The following PVT1 variants were observed in gnomAD, a reference collection of about 807,000 sequenced individuals.
PVT1 encodes the protein CXCR4/PVT1 fusion.
chr8:127,890,681 A>G (rs1815589756), exon 3 of PVT1: 1 of 152,206 alleles, frequency 6.6e-6, no homozygotes, highest in African/African-American at 2.4e-5. Context: ...GTATTTTCTG[A>G]GCCTGATGGA....
intron 4 of PVT1, among the ~76,000 whole-genome samples, chr8:128,027,699 G>A (rs562932898): frequency 1.3e-5 from 2 of 152,292 alleles, no homozygotes; most frequent in African/African-American, 4.8e-5. Flanking sequence ...CCAAGGTAGG[G>A]GCCCTGGTGT....
At chr8:128,002,346 T>C (rs920253751) in intron 4 of PVT1, among the ~76,000 whole-genome samples, 1 of 152,232 alleles carries the variant, frequency 6.6e-6, no homozygotes, top group Admixed American at 6.5e-5. Context: ...TTTCCTCCCA[T>C]TGCTTTACAT....
chr8:127,954,644 T>C (rs1816547769), intron 3 of PVT1, among the ~76,000 whole-genome samples: 1 of 152,182 alleles, frequency 6.6e-6, no homozygotes, highest in South Asian at 2.1e-4. Flanking sequence ...CCAGTGCCTC[T>C]CCCAGGTGGG....
chr8:128,074,412 A>G (rs1336349697), intron 5 of PVT1, among the ~76,000 whole-genome samples: 2 of 151,944 alleles, frequency 1.3e-5, no homozygotes, highest in East Asian at 1.9e-4. Flanking sequence ...AATCCCAGCT[A>G]CTCAGGAGGC....
chr8:127,833,282 G>T (rs1276097297), intron 2 of PVT1, among the ~76,000 whole-genome samples: 2 of 152,176 alleles, frequency 1.3e-5, no homozygotes, highest in Admixed American at 1.3e-4. Context: ...CTGCCCTGGG[G>T]ATTGTGAGGA....
chr8:127,874,827 C>T (rs1195160719), intron 2 of PVT1, among the ~76,000 whole-genome samples: 2 of 152,156 alleles, frequency 1.3e-5, no homozygotes, highest in Non-Finnish European at 1.5e-5. Context: ...TTCCCACCTG[C>T]AGGAAGCCTA....
chr8:128,033,323 ATG>A (rs903455658), intron 4 of PVT1, among the ~76,000 whole-genome samples: 1 of 151,946 alleles, frequency 6.6e-6, no homozygotes, highest in African/African-American at 2.4e-5. Flanking sequence ...GTGTGTGTGC[ATG>A]TGTGTGTGTA....
At chr8:127,832,755 G>A (rs544998228) in intron 2 of PVT1, among the ~76,000 whole-genome samples, 177 of 152,304 alleles carry the variant, frequency 1.2e-3, no homozygotes, top group African/African-American at 4.2e-3. Context: ...CTACTTGGGA[G>A]GCTGAGGCAG....
At chr8:127,914,627 G>A (rs545205404) in intron 3 of PVT1, among the ~76,000 whole-genome samples, 2 of 152,298 alleles carry the variant, frequency 1.3e-5, no homozygotes, top group South Asian at 4.1e-4. Context: ...ATTGATACAT[G>A]TTACAACATG....
intron 3 of PVT1, among the ~76,000 whole-genome samples, chr8:127,956,634 G>A (rs188979047): frequency 1.8e-4 from 27 of 152,300 alleles, no homozygotes; most frequent in African/African-American, 6.0e-4. Flanking sequence ...ACAGGCACGC[G>A]CCACCACGCC....
intron 3 of PVT1, among the ~76,000 whole-genome samples, chr8:127,956,278 G>A (rs1586454448): frequency 6.6e-6 from 1 of 152,234 alleles, no homozygotes; most frequent in Non-Finnish European, 1.5e-5. Flanking sequence ...GAGGCTGAGA[G>A]GGGCCTGCCC....
chr8:127,969,903 A>G (rs1406056298), intron 3 of PVT1, among the ~76,000 whole-genome samples: 2 of 152,214 alleles, frequency 1.3e-5, no homozygotes, highest in African/African-American at 4.8e-5. Flanking sequence ...CAGAGGACAG[A>G]GCAGGAGCAG....
chr8:127,829,103 C>G (rs1767301212), intron 2 of PVT1, among the ~76,000 whole-genome samples: 1 of 152,100 alleles, frequency 6.6e-6, no homozygotes. Context: ...TAGTGAAATG[C>G]TGTTTCTACT....
intron 5 of PVT1, among the ~76,000 whole-genome samples, chr8:128,088,181 A>G (rs1034625503): frequency 1.7e-4 from 26 of 152,074 alleles, no homozygotes; most frequent in Non-Finnish European, 1.0e-4. Context: ...ATCAAGCCTC[A>G]CCCCATACCT....
At chr8:128,005,533 T>C (rs768975433) in intron 4 of PVT1, among the ~76,000 whole-genome samples, 1 of 152,226 alleles carries the variant, frequency 6.6e-6, no homozygotes, top group Non-Finnish European at 1.5e-5. Flanking sequence ...CTTTTGTACA[T>C]GTACCTTCTG....
chr8:128,042,499 C>T (rs1027708140), intron 4 of PVT1, among the ~76,000 whole-genome samples: 1 of 152,122 alleles, frequency 6.6e-6, no homozygotes, highest in African/African-American at 2.4e-5. Context: ...GGATACTCCC[C>T]AGGGCCTTGC....
At chr8:127,995,627 C>T (rs138028873) in intron 4 of PVT1, among the ~76,000 whole-genome samples, 174 of 152,216 alleles carry the variant, frequency 1.1e-3, no homozygotes, top group East Asian at 1.7e-3. Flanking sequence ...GTAGTGTTTG[C>T]GGTGATGGTC....
At chr8:128,092,071 C>T (rs761338687) in intron 5 of PVT1, among the ~76,000 whole-genome samples, 31 of 151,840 alleles carry the variant, frequency 2.0e-4, no homozygotes, top group Non-Finnish European at 4.3e-4. Context: ...GGTGGTGACA[C>T]CTACCTCTCC....
At chr8:128,042,810 C>T in intron 4 of PVT1, among the ~76,000 whole-genome samples, 1 of 142,404 alleles carries the variant, frequency 7.0e-6, no homozygotes, top group Non-Finnish European at 1.5e-5. Context: ...GTCACCCAGG[C>T]TGGAGTGCAG....
Sources: allele counts gnomAD v4.1 joint callset (sites outside exome capture counted in the v4.1 genomes callset), GRCh38; gene constraint gnomAD v4.1.1; transcripts MANE v1.5; gene names NCBI Gene and HGNC (gene_info 2026-07-23, HGNC 2026-07-21).